The following C11orf65 variants were observed in gnomAD, a reference collection of about 807,000 sequenced individuals.
The protein encoded by C11orf65 is protein MFI.
In C11orf65, 38 loss-of-function variants were observed where a neutral mutation model predicts 35.3. The observed-to-expected ratio is 1.08, with a 90% CI of 0.83 to 1.41. The LOEUF (loss-of-function observed/expected upper bound fraction) is 1.41. C11orf65 is among the 40% of genes most tolerant of loss of function. C11orf65 has a pLI of 0.00. For synonymous variants in C11orf65, 105 were observed against 114.4 expected, an observed-to-expected ratio of 0.92 and a Z score of 0.53; for missense variants, 370 against 367.1, an observed-to-expected ratio of 1.01 and a Z score of -0.06.
chr11:108,449,427 C>T (rs924012259), intron 2 of C11orf65, among the ~76,000 whole-genome samples: 2 of 151,848 alleles, frequency 1.3e-5, no homozygotes, highest in Non-Finnish European at 2.9e-5. Context: ...GGTACTGGTA[C>T]CAAAACAGAG....
chr11:108,338,503 A>T (rs373203413), intron 2 of C11orf65, among the ~76,000 whole-genome samples: 1 of 152,152 alleles, frequency 6.6e-6, no homozygotes, highest in East Asian at 1.9e-4. Flanking sequence ...AAAAATTAAA[A>T]ATTTAGCCAG....
downstream of C11orf65, chr11:108,327,743 G>T (rs1060501593): frequency 6.2e-7 from 1 of 1,613,694 alleles, no homozygotes; most frequent in South Asian, 1.1e-5. Flanking sequence ...TCATCATGCA[G>T]ACCTATCTAG....
rs74926357 is a variant in C11orf65 at position 108,404,845 on chromosome 11, T to C, written c.560+584A>G. On this transcript the variant is annotated intron_variant, in intron 6 of 8. Coordinates refer to ENST00000393084, the MANE Select transcript of C11orf65 (RefSeq NM_152587.5). ...CTTTATAAGTCTTGAAATCAAGTAG[T>C]ATAGTTCTCCAATGTTGGGATTCGA... is the stretch of plus-strand genomic sequence containing the variant. 2.1e-3 allele frequency among the ~76,000 whole-genome samples: 315 copies of C among 152,280 alleles called. 12 individuals carry two copies. The East Asian group carries it at 0.04, about 19-fold the overall frequency.
At chr11:108,373,751 C>A (rs1234650102) in intron 2 of C11orf65, among the ~76,000 whole-genome samples, 2 of 152,214 alleles carry the variant, frequency 1.3e-5, no homozygotes, top group Non-Finnish European at 2.9e-5. Context: ...CGCAAGGGGT[C>A]CGGGAGTTCC....
At chr11:108,388,950 T>C (rs1158202865) in intron 7 of C11orf65, among the ~76,000 whole-genome samples, 2 of 152,238 alleles carry the variant, frequency 1.3e-5, no homozygotes, top group East Asian at 1.9e-4. Flanking sequence ...CGGTTAATAG[T>C]TGCAGTACGC....
intron 2 of C11orf65, chr11:108,366,222 G>A (rs1353999243): frequency 5.1e-6 from 1 of 195,316 alleles, no homozygotes; most frequent in Non-Finnish European, 1.1e-5. Context: ...TACTGTCCAT[G>A]TATGTTATCT....
intron 2 of C11orf65, among the ~76,000 whole-genome samples, chr11:108,347,639 A>G (rs2088615375): frequency 6.6e-6 from 1 of 152,134 alleles, no homozygotes. Context: ...AGCAGATTCA[A>G]AAGAAGGAAT....
intron 6 of C11orf65, among the ~76,000 whole-genome samples, chr11:108,318,287 G>A (rs1565505885): frequency 6.6e-6 from 1 of 152,064 alleles, no homozygotes; most frequent in Non-Finnish European, 1.5e-5. Flanking sequence ...GCTAGAACAC[G>A]GGAGACGGAG....
At chr11:108,430,897 AACACACACAC>A (rs10588668) in intron 3 of C11orf65, among the ~76,000 whole-genome samples, 60,403 of 143,320 alleles carry the variant, frequency 0.42, 13,796 homozygotes, top group Admixed American at 0.52. Context: ...AAGGATAGGG[AACACACACAC>A]ACACACACAC....
At chr11:108,317,601 T>C in intron 6 of C11orf65, 1 of 928,736 alleles carries the variant, frequency 1.1e-6, no homozygotes, top group Non-Finnish European at 1.6e-6. Flanking sequence ...TCTATGAATA[T>C]AACAGGAGTT....
intron 6 of C11orf65, among the ~76,000 whole-genome samples, chr11:108,315,572 G>C (rs745575499): frequency 2.6e-5 from 4 of 151,446 alleles, no homozygotes; most frequent in Non-Finnish European, 5.9e-5. Flanking sequence ...TTCAAATTGT[G>C]GCAAACCTCC....
At chr11:108,329,773 G>A (rs1364150913), downstream of C11orf65, among the ~76,000 whole-genome samples, 2 of 152,188 alleles carry the variant, frequency 1.3e-5, no homozygotes, top group African/African-American at 4.8e-5. Flanking sequence ...GTTCTTTTGT[G>A]AATAATTCAT....
chr11:108,452,197 C>T (rs1357663989), intron 2 of C11orf65, among the ~76,000 whole-genome samples: 1 of 152,108 alleles, frequency 6.6e-6, no homozygotes, highest in Non-Finnish European at 1.5e-5. Flanking sequence ...GCAAAAGAAA[C>T]TACCATCAGA....
intron 3 of C11orf65, among the ~76,000 whole-genome samples, chr11:108,426,732 C>A (rs2092908122): frequency 6.6e-6 from 1 of 151,954 alleles, no homozygotes; most frequent in Non-Finnish European, 1.5e-5. Flanking sequence ...AGGCATCATG[C>A]TACCTGACTT....
rs876659831 is a variant in C11orf65, at chr11:108,316,107, C to A, written c.641-7036G>T. 1 of 1,613,710 alleles carries A rather than the reference C, an allele frequency of 6.2e-7. No individual in the cohort carries two copies. Among genetic ancestry groups the A allele is most frequent in the African/African-American group, 1.3e-5 (1 of 74,918 alleles). ...CCTCATCAACACGCCAGGCAGGAAT[C>A]ATTCAGGTACATTTTTTCCCAGATT... is the stretch of plus-strand genomic sequence containing the variant. On this transcript the variant is annotated intron_variant, in intron 6 of 6. Coordinates refer to the C11orf65 transcript ENST00000525729.
rs2136651700 is a variant in C11orf65 at position 108,334,962 on chromosome 11, T to C, written c.299+258A>G. On this transcript the variant is annotated intron_variant, in intron 3 of 3. Transcript: ENST00000524755. ...CCTATTATCAATCATGTTTATACTT[T>C]TATTAGGTGGACCACACAGGAGAAT... 6.8e-6 allele frequency: 11 copies of C among 1,611,116 alleles called. No homozygotes were observed. Among genetic ancestry groups the C allele is most frequent in the Non-Finnish European group, 9.3e-6 (11 of 1,177,302 alleles).
chr11:108,444,133 G>A (rs1308617059), intron 2 of C11orf65, among the ~76,000 whole-genome samples: 1 of 151,852 alleles, frequency 6.6e-6, no homozygotes, highest in Non-Finnish European at 1.5e-5. Flanking sequence ...AATGATAAAG[G>A]GGATATCACC....
intron 2 of C11orf65, among the ~76,000 whole-genome samples, chr11:108,342,793 C>A (rs1233756225): frequency 3.9e-5 from 6 of 152,094 alleles, no homozygotes; most frequent in Non-Finnish European, 1.5e-5. Context: ...CATGTAATTT[C>A]AATAATGAAG....
At chr11:108,393,128 A>T (rs1458588128) in intron 7 of C11orf65, 80 bp downstream of exon 7, 1 of 1,420,734 alleles carries the variant, frequency 7.0e-7, no homozygotes, top group Non-Finnish European at 9.5e-7. Context: ...TGGCCCCAAG[A>T]TTCAACAAGG....
Sources: gnomAD v4.1 joint callset for allele counts (sites outside exome capture counted in the v4.1 genomes callset) on GRCh38, gnomAD v4.1.1 for gene constraint, MANE v1.5 for transcripts, NCBI Gene and HGNC (gene_info 2026-07-23, HGNC 2026-07-21) for gene names.